The following BMAL2 variants were observed in gnomAD, a reference collection of about 807,000 sequenced individuals.
BMAL2 encodes the protein basic helix-loop-helix ARNT like 2.
At chr12:27,338,933 C>T in the BMAL2 span, among the ~76,000 whole-genome samples, 116 of 152,240 alleles carry the variant, frequency 7.6e-4, 1 homozygote, top group Admixed American at 3.9e-3. Flanking sequence ...CTTTTCTTTC[C>T]TGAAAAGGGA....
the BMAL2 span, among the ~76,000 whole-genome samples, chr12:27,387,046 C>G: frequency 3.3e-5 from 5 of 152,148 alleles, no homozygotes; most frequent in African/African-American, 1.2e-4. Context: ...CAACTTGACA[C>G]TCTTTATAAA....
the BMAL2 span, among the ~76,000 whole-genome samples, chr12:27,348,643 C>G: frequency 1.3e-5 from 2 of 151,958 alleles, no homozygotes; most frequent in African/African-American, 4.8e-5. Flanking sequence ...TTACATTTAG[C>G]TCATTCATCC....
At chr12:27,344,076 T>C in the BMAL2 span, among the ~76,000 whole-genome samples, 1 of 152,352 alleles carries the variant, frequency 6.6e-6, no homozygotes, top group East Asian at 1.9e-4. Flanking sequence ...CAGCAACTTA[T>C]GAGGTAGGTA....
chr12:27,410,291 C>T, the BMAL2 span, among the ~76,000 whole-genome samples: 1 of 152,154 alleles, frequency 6.6e-6, no homozygotes, highest in African/African-American at 2.4e-5. Context: ...AAGACACATA[C>T]ACACGTATGT....
the BMAL2 span, chr12:27,370,057 C>A: frequency 1.8e-6 from 2 of 1,140,504 alleles, no homozygotes; most frequent in Non-Finnish European, 2.6e-6. Flanking sequence ...ACTTTCTCCA[C>A]TTGAGGACAG....
At chr12:27,355,441 C>G in the BMAL2 span, among the ~76,000 whole-genome samples, 2 of 152,294 alleles carry the variant, frequency 1.3e-5, no homozygotes, top group Non-Finnish European at 2.9e-5. Flanking sequence ...ATTTCTTTGT[C>G]ATCCTAATGT....
At chr12:27,369,612 G>A in the BMAL2 span, among the ~76,000 whole-genome samples, 1 of 152,180 alleles carries the variant, frequency 6.6e-6, no homozygotes, top group South Asian at 2.1e-4. Flanking sequence ...TGAACTGAAA[G>A]TGACTGTTAG....
At chr12:27,376,053 A>C in the BMAL2 span, among the ~76,000 whole-genome samples, 1 of 152,212 alleles carries the variant, frequency 6.6e-6, no homozygotes, top group Non-Finnish European at 1.5e-5. Flanking sequence ...TAAGTTTGTC[A>C]TGAGATCATA....
chr12:27,381,894 G>A, the BMAL2 span, among the ~76,000 whole-genome samples: 2 of 152,174 alleles, frequency 1.3e-5, no homozygotes, highest in African/African-American at 4.8e-5. Context: ...ATCATAAAAA[G>A]GGAGTGAGCA....
At chr12:27,333,147 G>A in the BMAL2 span, 1 of 1,202,360 alleles carries the variant, frequency 8.3e-7, no homozygotes, top group Non-Finnish European at 1.0e-6. Context: ...GTGGGCGCGC[G>A]GCGTCTGACG....
the BMAL2 span, among the ~76,000 whole-genome samples, chr12:27,388,372 C>T: frequency 3.3e-5 from 5 of 152,106 alleles, no homozygotes; most frequent in Admixed American, 1.3e-4. Context: ...AACATATAAC[C>T]GCCAAACAAT....
chr12:27,361,580 A>C, the BMAL2 span, among the ~76,000 whole-genome samples: 1 of 152,214 alleles, frequency 6.6e-6, no homozygotes, highest in Non-Finnish European at 1.5e-5. Flanking sequence ...GCTGAACTTC[A>C]ATTCCTAACA....
the BMAL2 span, among the ~76,000 whole-genome samples, chr12:27,409,006 A>C: frequency 2.6e-5 from 4 of 152,230 alleles, no homozygotes; most frequent in Non-Finnish European, 5.9e-5. Context: ...TGCTTCAAAG[A>C]GAATAAAATA....
At chr12:27,417,474 G>A in the BMAL2 span, among the ~76,000 whole-genome samples, 7 of 152,152 alleles carry the variant, frequency 4.6e-5, no homozygotes, top group African/African-American at 1.4e-4. Context: ...AGGCTTTGGA[G>A]TCAGGTAGAC....
At chr12:27,416,761 C>T in the BMAL2 span, among the ~76,000 whole-genome samples, 20 of 152,112 alleles carry the variant, frequency 1.3e-4, no homozygotes, top group African/African-American at 4.6e-4. Flanking sequence ...AGTCCAAGAC[C>T]GGCCTGGGCA....
At chr12:27,374,258 T>G in the BMAL2 span, among the ~76,000 whole-genome samples, 1 of 151,982 alleles carries the variant, frequency 6.6e-6, no homozygotes, top group Non-Finnish European at 1.5e-5. Context: ...AACCAAAAGT[T>G]GAAAATATCC....
At chr12:27,411,255 G>A in the BMAL2 span, among the ~76,000 whole-genome samples, 1 of 151,928 alleles carries the variant, frequency 6.6e-6, no homozygotes, top group African/African-American at 2.4e-5. Flanking sequence ...AGCCTCCCAG[G>A]CAGCTGGGAC....
chr12:27,369,545 T>G, the BMAL2 span, among the ~76,000 whole-genome samples: 1 of 152,254 alleles, frequency 6.6e-6, no homozygotes. Context: ...GACAGTCTTT[T>G]TAGACTATGT....
the BMAL2 span, among the ~76,000 whole-genome samples, chr12:27,404,904 A>G: frequency 1.3e-5 from 2 of 152,124 alleles, no homozygotes; most frequent in African/African-American, 2.4e-5. Flanking sequence ...CCACCCTAAC[A>G]CTGCACTTTT....
Sources: allele counts gnomAD v4.1 joint callset (sites outside exome capture counted in the v4.1 genomes callset), GRCh38; gene constraint gnomAD v4.1.1; transcripts MANE v1.5; gene names NCBI Gene and HGNC (gene_info 2026-07-23, HGNC 2026-07-21).